The following CDH10 variants were observed in gnomAD, a reference collection of about 807,000 sequenced individuals.
The protein encoded by CDH10 is cadherin 10.
In CDH10, 30 loss-of-function variants were observed where a neutral mutation model predicts 73.1. The ratio of observed to expected loss-of-function variants is 0.41; its 90% CI spans 0.31 to 0.56. CDH10 has a LOEUF of 0.56. Among genes scored for constraint, CDH10 ranks in the 20% least tolerant of loss-of-function variants. The pLI is 0.27. For missense variants in CDH10, 815 were observed against 973.7 expected (o/e 0.84, Z 2.17); for synonymous variants, 345 against 348.2 (o/e 0.99, Z 0.10).
intron 1 of CDH10, among the ~76,000 whole-genome samples, chr5:24,636,760 T>C (rs376511610): frequency 6.6e-6 from 1 of 151,936 alleles, no homozygotes; most frequent in Non-Finnish European, 1.5e-5. Flanking sequence ...TGTAGGTTTC[T>C]TGATGGGGAT....
chr5:24,506,236 C>T (rs1056485413), intron 7 of CDH10, among the ~76,000 whole-genome samples: 2 of 151,974 alleles, frequency 1.3e-5, no homozygotes, highest in Non-Finnish European at 2.9e-5. Flanking sequence ...CAACAGCAAA[C>T]TATCCTGCAA....
intron 2 of CDH10, among the ~76,000 whole-genome samples, chr5:24,542,954 T>G (rs1744212062): frequency 6.6e-6 from 1 of 152,116 alleles, no homozygotes. Flanking sequence ...ATCTTGGTGG[T>G]GAGGCCACAA....
intron 1 of CDH10, among the ~76,000 whole-genome samples, chr5:24,625,912 T>G (rs560508995): frequency 6.6e-6 from 1 of 152,124 alleles, no homozygotes; most frequent in African/African-American, 2.4e-5. Context: ...TACTATCCTT[T>G]AAGAGAGAAT....
intron 2 of CDH10, among the ~76,000 whole-genome samples, chr5:24,555,188 T>C (rs1287649350): frequency 6.6e-6 from 1 of 152,174 alleles, no homozygotes; most frequent in Non-Finnish European, 1.5e-5. Context: ...GATGCTCTAT[T>C]TACTAAATGA....
At chr5:24,522,264 A>G (rs1743363089) in intron 5 of CDH10, among the ~76,000 whole-genome samples, 1 of 152,328 alleles carries the variant, frequency 6.6e-6, no homozygotes. Context: ...AAATTATTGA[A>G]CAATATTATC....
At position 24,586,840 on chromosome 5, in the gene CDH10, A is replaced by G. The variant is rs1314767428; in HGVS notation, c.231+6420T>C. 3.0e-5 allele frequency among the ~76,000 whole-genome samples: 3 copies of G among 100,622 alleles called. No individual in the cohort carries two copies. The East Asian group carries it at 8.5e-4, about 28-fold the overall frequency. 66.0% of individuals were successfully genotyped at this position (100,622 alleles called of 152,430 possible). A position where few individuals can be genotyped will look rare whatever the true frequency, so the allele number is the denominator to read the frequency against. On this transcript the variant is annotated intron_variant, in intron 2 of 11. Transcript: ENST00000264463. Reference sequence around the variant, plus strand: ...ATAGTAAAACAATAAGATAGCCCATATTCTTTTTTTTTTTTTTTTTTTGAG... The same window carrying G: ...ATAGTAAAACAATAAGATAGCCCATGTTCTTTTTTTTTTTTTTTTTTTGAG...
At chr5:24,512,958 T>G (rs1205016015) in intron 5 of CDH10, among the ~76,000 whole-genome samples, 5 of 152,034 alleles carry the variant, frequency 3.3e-5, no homozygotes, top group Non-Finnish European at 5.9e-5. Flanking sequence ...AGGCAAAACT[T>G]AATTTCCTAT....
At chr5:24,586,840 A>ATTTTTTTTTTTTTTT (rs1746023448) in intron 2 of CDH10, among the ~76,000 whole-genome samples, 2 of 100,608 alleles carry the variant, frequency 2.0e-5, no homozygotes, top group Admixed American at 9.7e-5. Flanking sequence ...GATAGCCCAT[A>ATTTTTTTTTTTTTTT]TTCTTTTTTT....
chr5:24,537,835 C>T (rs1167184770), intron 2 of CDH10, among the ~76,000 whole-genome samples, 161 bp from the exon 3 acceptor site: 1 of 151,976 alleles, frequency 6.6e-6, no homozygotes, highest in Admixed American at 6.6e-5. Context: ...CGCATTTATA[C>T]ACTTTAAAGA....
At chr5:24,541,133 C>G (rs1362127510) in intron 2 of CDH10, among the ~76,000 whole-genome samples, 1 of 151,936 alleles carries the variant, frequency 6.6e-6, no homozygotes, top group Non-Finnish European at 1.5e-5. Context: ...AGCTCCTCTT[C>G]TAGATGAAAC....
intron 2 of CDH10, among the ~76,000 whole-genome samples, chr5:24,538,843 G>C (rs1441100141): frequency 2.6e-5 from 4 of 151,972 alleles, no homozygotes; most frequent in Non-Finnish European, 4.4e-5. Flanking sequence ...AAAGTAAAGC[G>C]TGGCCACAGG....
intron 5 of CDH10, among the ~76,000 whole-genome samples, chr5:24,522,846 G>A (rs1403657548): frequency 6.6e-6 from 1 of 152,036 alleles, no homozygotes; most frequent in Admixed American, 6.6e-5. Context: ...TAGCACATGA[G>A]ACCTAAATTT....
At chr5:24,537,269 C>A (rs1009219525) in intron 3 of CDH10, 111 bp downstream of exon 3, 4 of 711,956 alleles carry the variant, frequency 5.6e-6, no homozygotes, top group Non-Finnish European at 9.3e-6. Flanking sequence ...AATATGTACT[C>A]ATGGTAGCAA....
intron 7 of CDH10, among the ~76,000 whole-genome samples, chr5:24,506,098 C>T (rs1742689038): frequency 1.5e-5 from 2 of 135,282 alleles, no homozygotes; most frequent in South Asian, 4.5e-4. Flanking sequence ...CTGGGCAACA[C>T]AGCAAGACTC....
At chr5:24,643,956 T>C (rs984035038) in intron 1 of CDH10, among the ~76,000 whole-genome samples, 1 of 152,146 alleles carries the variant, frequency 6.6e-6, no homozygotes, top group Non-Finnish European at 1.5e-5. Flanking sequence ...TCTCCCTCTC[T>C]TTACCTCTCT....
intron 2 of CDH10, among the ~76,000 whole-genome samples, chr5:24,592,429 A>G (rs1254455391): frequency 1.3e-5 from 2 of 151,208 alleles, no homozygotes; most frequent in African/African-American, 2.4e-5. Flanking sequence ...AAATAATAAT[A>G]TTGACTATTA....
At chr5:24,613,843 A>C (rs951797710) in intron 1 of CDH10, among the ~76,000 whole-genome samples, 3 of 152,162 alleles carry the variant, frequency 2.0e-5, no homozygotes, top group African/African-American at 7.2e-5. Flanking sequence ...CACCTTCTAT[A>C]TTTCTATTTA....
intron 5 of CDH10, among the ~76,000 whole-genome samples, chr5:24,525,542 T>C (rs774391140): frequency 6.6e-6 from 1 of 151,848 alleles, no homozygotes; most frequent in Non-Finnish European, 1.5e-5. Flanking sequence ...GAGGAAGAAA[T>C]TAAAAACAAG....
rs1025919186 is a variant in CDH10 at position 24,619,816 on chromosome 5, C to T, written c.-124+24778G>A. On this transcript the variant is annotated intron_variant, in intron 1 of 11. Coordinates refer to ENST00000264463, the MANE Select transcript of CDH10 (RefSeq NM_006727.5). ...GACCACTAGCTAACTCCCACTACTA[C>T]GTGTGGTCACAAGGAGGAGGAGCTG... Among the ~76,000 whole-genome samples the T allele has an allele frequency of 5.9e-5, 9 of 152,262 alleles. No individual in the cohort carries two copies. The South Asian group carries it at 1.5e-3, about 25-fold the overall frequency.
Sources: allele counts gnomAD v4.1 joint callset (sites outside exome capture counted in the v4.1 genomes callset), GRCh38; gene constraint gnomAD v4.1.1; transcripts MANE v1.5; gene names NCBI Gene and HGNC (gene_info 2026-07-23, HGNC 2026-07-21).